The following VPS37C variants were observed in gnomAD, a reference collection of about 807,000 sequenced individuals.
The protein encoded by VPS37C is VPS37C subunit of ESCRT-I.
In VPS37C, 9 loss-of-function variants were observed where a neutral mutation model predicts 16.1. That is an observed-to-expected ratio of 0.56 (90% CI 0.34 to 0.97). VPS37C has a LOEUF of 0.97. VPS37C is among the 50% of genes least tolerant of loss of function. The probability of loss-of-function intolerance (pLI) is 0.02; values close to 1 mark genes in which losing one functional copy is unlikely to be tolerated. For missense variants in VPS37C, 479 were observed against 472.7 expected (o/e 1.01, Z -0.12); for synonymous variants, 207 against 206.4 (o/e 1.00, Z -0.02).
At chr11:61,144,748 G>T (rs1853169233) in intron 1 of VPS37C, 2 of 152,258 alleles carry the variant, frequency 1.3e-5, no homozygotes, top group African/African-American at 4.8e-5. Flanking sequence ...GGAGATTCAT[G>T]TGAAAACAGT....
intron 1 of VPS37C, among the ~76,000 whole-genome samples, chr11:61,159,158 G>A (rs1853424439): frequency 2.0e-5 from 3 of 152,116 alleles, no homozygotes; most frequent in Admixed American, 2.0e-4. Flanking sequence ...GCTTTTTAAG[G>A]GCAAATTAAC....
rs1287641210 is a variant in VPS37C at position 61,130,284 on chromosome 11, A to G, written c.*1536T>C. 6.5e-6 allele frequency: 1 copy of G among 152,810 alleles called. No homozygotes were observed. Among genetic ancestry groups the G allele is most frequent in the Non-Finnish European group, 1.5e-5 (1 of 68,424 alleles). The allele number at this position is 152,810 out of a possible 1,614,324, so 9.5% of individuals were successfully genotyped here. On this transcript the variant is annotated 3_prime_UTR_variant, in exon 5 of 5. Coordinates refer to ENST00000301765, the MANE Select transcript of VPS37C (RefSeq NM_017966.5). ...TGACTCATCAAAGTTTATTATGGCA[A>G]TTAATTACACAAACATACAGGCGGT...
At chr11:61,148,947 T>C (rs1276416071) in intron 1 of VPS37C, among the ~76,000 whole-genome samples, 1 of 152,082 alleles carries the variant, frequency 6.6e-6, no homozygotes, top group Admixed American at 6.5e-5. Flanking sequence ...TGGGTTGGGG[T>C]TGGAGATTCC....
At chr11:61,133,440 A>G in intron 3 of VPS37C, 103 bp from the exon 4 acceptor site, 1 of 1,187,366 alleles carries the variant, frequency 8.4e-7, no homozygotes, top group Non-Finnish European at 1.2e-6. Flanking sequence ...CAGCCACCAC[A>G]GCAGGGTCCA....
At chr11:61,138,508 T>C (rs1861420183) in intron 2 of VPS37C, 6 of 532,690 alleles carry the variant, frequency 1.1e-5, no homozygotes, top group Non-Finnish European at 2.0e-5. Flanking sequence ...CTGGGGTATC[T>C]GGGTCCTGGG....
At chr11:61,132,761 T>C in intron 4 of VPS37C, 3 of 659,656 alleles carry the variant, frequency 4.5e-6, no homozygotes, top group South Asian at 2.0e-5. Flanking sequence ...GTCTCTGTCG[T>C]GGTCACCTCT....
At chr11:61,135,755 T>G in intron 2 of VPS37C, among the ~76,000 whole-genome samples, 1 of 152,308 alleles carries the variant, frequency 6.6e-6, no homozygotes, top group East Asian at 1.9e-4. Flanking sequence ...GAAACTTTAC[T>G]TACATGGCTG....
intron 1 of VPS37C, among the ~76,000 whole-genome samples, chr11:61,146,580 GGGA>G (rs1565194853): frequency 1.3e-5 from 2 of 152,350 alleles, no homozygotes; most frequent in South Asian, 4.1e-4. Context: ...GGGCTGGGAG[GGGA>G]GGAGGAGGGA....
chr11:61,137,398 C>T (rs1008560396), intron 2 of VPS37C, among the ~76,000 whole-genome samples: 1 of 152,212 alleles, frequency 6.6e-6, no homozygotes, highest in African/African-American at 2.4e-5. Context: ...TGGCTGCACA[C>T]CACAAAATTC....
chr11:61,139,593 G>A (rs1565192870), intron 1 of VPS37C, among the ~76,000 whole-genome samples: 1 of 152,146 alleles, frequency 6.6e-6, no homozygotes, highest in Non-Finnish European at 1.5e-5. Flanking sequence ...GATTGTCTGT[G>A]TGGTAGATGG....
intron 1 of VPS37C, chr11:61,144,534 GCT>G (rs2134642746): frequency 6.6e-6 from 1 of 152,418 alleles, no homozygotes; most frequent in African/African-American, 2.4e-5. Context: ...CTAAGGCTTG[GCT>G]CTGTGTGGGC....
chr11:61,137,864 C>T (rs1447235806), intron 2 of VPS37C, among the ~76,000 whole-genome samples: 2 of 152,122 alleles, frequency 1.3e-5, no homozygotes, highest in Non-Finnish European at 2.9e-5. Context: ...AGAGCACAAG[C>T]AGAAACAGGA....
chr11:61,131,933 T>A lies in VPS37C; in HGVS notation c.955A>T (p.Ser319Cys). The A allele has an allele frequency of 3.1e-6, 4 of 1,294,116 alleles. No homozygotes were observed. The highest frequency in any genetic ancestry group is 3.9e-5 in the Admixed American group (1 of 25,392). The allele number at this position is 1,294,116 out of a possible 1,614,324, so 80.2% of individuals were successfully genotyped here. Residue 319 changes from serine to cysteine, a missense_variant, in exon 5 of 5, where the codon AGC (serine) becomes TGC (cysteine). Physicochemically the swap from Ser to Cys is moderately radical, Grantham distance 112 (BLOSUM62 -1). Coordinates refer to ENST00000301765, the MANE Select transcript of VPS37C (RefSeq NM_017966.5). ...PPYPIQPQLP[S>C]FPGQPQPSVP... ...GAGGGCTGGGGCTGGCCTGGAAAGC[T>A]GGGGAGCTGAGGCTGTATTGGGTAG...
At chr11:61,155,338 A>T (rs933584397) in intron 1 of VPS37C, among the ~76,000 whole-genome samples, 6 of 151,852 alleles carry the variant, frequency 4.0e-5, no homozygotes, top group Middle Eastern at 3.4e-3. Flanking sequence ...AAGAATAATC[A>T]TTAAAAAACA....
intron 1 of VPS37C, among the ~76,000 whole-genome samples, chr11:61,148,718 G>A (rs949370918): frequency 2.6e-5 from 4 of 152,076 alleles, no homozygotes; most frequent in South Asian, 2.1e-4. Flanking sequence ...ATTTTTTTGC[G>A]TTTTTAGTTT....
At chr11:61,135,188 G>C (rs1447498218) in intron 2 of VPS37C, among the ~76,000 whole-genome samples, 1 of 152,238 alleles carries the variant, frequency 6.6e-6, no homozygotes, top group Non-Finnish European at 1.5e-5. Flanking sequence ...AGCCAGACTG[G>C]CTCATGCCCC....
chr11:61,133,165 T>C, intron 4 of VPS37C, 90 bp downstream of exon 4: 3 of 1,405,808 alleles, frequency 2.1e-6, no homozygotes, highest in Non-Finnish European at 3.0e-6. Context: ...TGTTCCATGC[T>C]TTGCAGACAT....
chr11:61,130,447 G>T lies in VPS37C; in HGVS notation c.*1373C>A. ...GCGTCACGCGGATGGCACATAGGCC[G>T]GGGAGGGGCAGGCACCAGAAGGTCA... On this transcript the variant is annotated 3_prime_UTR_variant, in exon 5 of 5. Transcript: ENST00000301765. 1 of 181,470 alleles carries T rather than the reference G, an allele frequency of 5.5e-6. No homozygotes were observed. Among genetic ancestry groups the T allele is most frequent in the Non-Finnish European group, 1.1e-5 (1 of 87,142 alleles). 11.2% of individuals were successfully genotyped at this position (181,470 alleles called of 1,614,324 possible).
chr11:61,137,775 CT>C (rs1330552839), intron 2 of VPS37C, among the ~76,000 whole-genome samples: 1 of 152,158 alleles, frequency 6.6e-6, no homozygotes, highest in Non-Finnish European at 1.5e-5. Context: ...ACCAGGAGAT[CT>C]TTTCAACCCA....
Sources: allele counts gnomAD v4.1 joint callset (sites outside exome capture counted in the v4.1 genomes callset), GRCh38; gene constraint gnomAD v4.1.1; transcripts MANE v1.5; gene names NCBI Gene and HGNC (gene_info 2026-07-23, HGNC 2026-07-21).